The following EEF2K variants were observed in gnomAD, a reference collection of about 807,000 sequenced individuals.
EEF2K encodes alternative protein EEF2K.
In EEF2K, 70 loss-of-function variants were observed where a neutral mutation model predicts 93.8. The observed-to-expected ratio is 0.75, with a 90% CI of 0.62 to 0.91. EEF2K has a LOEUF of 0.91. Ranked by LOEUF, EEF2K falls within the 40% of genes least tolerant of loss-of-function variation. The pLI, the probability that EEF2K is intolerant of heterozygous loss-of-function variation, is 0.00. For synonymous variants in EEF2K, 376 were observed against 380.8 expected (o/e 0.99, Z 0.15); for missense variants, 935 against 972.9 (o/e 0.96, Z 0.52).
chr16:22,243,280 C>T (rs1208928785), intron 2 of EEF2K, among the ~76,000 whole-genome samples: 1 of 141,024 alleles, frequency 7.1e-6, no homozygotes, highest in East Asian at 2.2e-4. Context: ...GAGACAGGGT[C>T]TCCCTCTGTC....
intron 17 of EEF2K, among the ~76,000 whole-genome samples, chr16:22,282,228 G>A (rs1331496398): frequency 6.6e-6 from 1 of 152,174 alleles, no homozygotes; most frequent in Non-Finnish European, 1.5e-5. Flanking sequence ...ATTTCTCCCA[G>A]TTCTGGAGGC....
intron 1 of EEF2K, among the ~76,000 whole-genome samples, chr16:22,211,165 T>A (rs2046910097): frequency 6.6e-6 from 1 of 152,178 alleles, no homozygotes; most frequent in South Asian, 2.1e-4. Context: ...TCTCACTTCT[T>A]CTCCACCTTG....
chr16:22,273,898 C>A, intron 16 of EEF2K, 148 bp downstream of exon 16: 2 of 1,205,226 alleles, frequency 1.7e-6, no homozygotes, highest in Non-Finnish European at 1.1e-6. Context: ...ACCTCCCTGG[C>A]CTCAGTTTCT....
At chr16:22,214,911 A>G (rs910864709) in intron 1 of EEF2K, among the ~76,000 whole-genome samples, 3 of 152,172 alleles carry the variant, frequency 2.0e-5, no homozygotes, top group Non-Finnish European at 4.4e-5. Flanking sequence ...AAACAAAAGT[A>G]CACTCCACAG....
intron 1 of EEF2K, among the ~76,000 whole-genome samples, chr16:22,224,714 A>G (rs1323841825): frequency 1.3e-5 from 2 of 152,068 alleles, no homozygotes; most frequent in Non-Finnish European, 2.9e-5. Context: ...GCACTTTGGG[A>G]GGCCCAGGCA....
At chr16:22,280,487 C>T in intron 17 of EEF2K, 111 bp downstream of exon 17, 1 of 1,203,718 alleles carries the variant, frequency 8.3e-7, no homozygotes, top group East Asian at 3.1e-5. Flanking sequence ...GAATCTTCTT[C>T]CAGGGAGGGG....
In EEF2K at chr16:22,234,705, A is replaced by AC. The variant is rs1157521902; in HGVS notation, c.246+8734dup. On this transcript the variant is annotated intron_variant, in intron 2 of 17. Transcript: ENST00000263026. ...ATTTTACCCAAAAACTAAATTCTAT[A>AC]CCCCTTAGCCATCACGCTCTAATAT... 9.2e-5 allele frequency among the ~76,000 whole-genome samples: 14 copies of AC among 151,746 alleles called. No individual in the cohort carries two copies. The Admixed American group carries it at 9.2e-4, about 10-fold the overall frequency.
In EEF2K at chr16:22,264,813, T is replaced by A; in HGVS notation, c.1378-5T>A. On this transcript the variant is annotated splice_polypyrimidine_tract_variant and splice_region_variant and intron_variant, in intron 12 of 17. Transcript: ENST00000263026. ...TGGATCAGTGTAATTTCTTCCTCCG[T>A]TCAGGGCCACTCATACAGTAATCGG... 6.2e-7 allele frequency: 1 copy of A among 1,613,962 alleles called. No individual in the cohort carries two copies.
chr16:22,236,359 C>T (rs1316575333), intron 2 of EEF2K, among the ~76,000 whole-genome samples: 4 of 145,314 alleles, frequency 2.8e-5, no homozygotes, highest in East Asian at 2.0e-4. Context: ...TTTTTTGCCT[C>T]GACTTCCCAG....
intron 12 of EEF2K, among the ~76,000 whole-genome samples, chr16:22,264,289 CAAAAAAAA>C (rs59993193): frequency 1.7e-3 from 69 of 39,926 alleles, no homozygotes; most frequent in African/African-American, 4.8e-3. Context: ...GAGACTGTCT[CAAAAAAAA>C]AAAAAAAAAA....
chr16:22,232,937 C>T (rs185111753), intron 2 of EEF2K, among the ~76,000 whole-genome samples: 56 of 152,110 alleles, frequency 3.7e-4, no homozygotes, highest in Middle Eastern at 3.4e-3. Context: ...CAAAATGGCC[C>T]GCTGGCCTCC....
intron 2 of EEF2K, among the ~76,000 whole-genome samples, chr16:22,240,499 G>A (rs939394597): frequency 6.6e-6 from 1 of 152,118 alleles, no homozygotes; most frequent in Non-Finnish European, 1.5e-5. Flanking sequence ...TTGCACAAGC[G>A]CCCAAGATTT....
chr16:22,286,826 T>C lies in EEF2K; in HGVS notation c.*2830T>C, dbSNP rs1202436481. On this transcript the variant is annotated 3_prime_UTR_variant, in exon 18 of 18. Transcript: ENST00000263026. The stretch of plus-strand genomic sequence containing the variant: ...GGAGAGCCAGCCCTAGTCAGTGCAC[T>C]CACCCTTTGAGGCTCTGGTTCCTCC... 1 of 152,228 alleles carries C rather than the reference T, an allele frequency of 6.6e-6. No individual in the cohort carries two copies. The highest frequency in any genetic ancestry group is 2.4e-5 in the African/African-American group (1 of 41,454). The allele number at this position is 152,228 out of a possible 1,614,324, so 9.4% of individuals were successfully genotyped here.
intron 6 of EEF2K, among the ~76,000 whole-genome samples, 184 bp downstream of exon 6, chr16:22,251,506 C>T (rs2047352142): frequency 6.6e-6 from 1 of 151,820 alleles, no homozygotes; most frequent in African/African-American, 2.4e-5. Context: ...CTGCAACCTC[C>T]ATCTCCCAGG....
chr16:22,259,245 A>G (rs560255931), intron 10 of EEF2K, among the ~76,000 whole-genome samples: 29 of 152,342 alleles, frequency 1.9e-4, no homozygotes, highest in South Asian at 4.1e-4. Flanking sequence ...AGGAAAGGAT[A>G]GAGGCAAGAC....
chr16:22,235,597 A>G (rs950830444), intron 2 of EEF2K, among the ~76,000 whole-genome samples: 2 of 151,908 alleles, frequency 1.3e-5, no homozygotes, highest in Admixed American at 1.3e-4. Context: ...TCTCGGGTTC[A>G]AGTGATTCTC....
intron 17 of EEF2K, among the ~76,000 whole-genome samples, chr16:22,281,680 C>T (rs1334870604): frequency 6.6e-6 from 1 of 152,182 alleles, no homozygotes; most frequent in African/African-American, 2.4e-5. Flanking sequence ...CTTTTTGTCC[C>T]TATAGATTTG....
intron 1 of EEF2K, among the ~76,000 whole-genome samples, chr16:22,222,075 A>G (rs904801707): frequency 1.2e-4 from 19 of 152,166 alleles, no homozygotes; most frequent in Admixed American, 2.6e-4. Flanking sequence ...ATCTCAAAAA[A>G]AATTAAAAAA....
chr16:22,217,000 A>G (rs2046963420), intron 1 of EEF2K, among the ~76,000 whole-genome samples: 1 of 151,670 alleles, frequency 6.6e-6, no homozygotes, highest in East Asian at 1.9e-4. Context: ...TCTCAACAAA[A>G]ATATACAAAA....
Sources: allele counts gnomAD v4.1 joint callset (sites outside exome capture counted in the v4.1 genomes callset), GRCh38; gene constraint gnomAD v4.1.1; transcripts MANE v1.5; gene names NCBI Gene and HGNC (gene_info 2026-07-23, HGNC 2026-07-21).